The following HTR4 variants were observed in gnomAD, a reference collection of about 807,000 sequenced individuals.
The protein encoded by HTR4 is 5-hydroxytryptamine receptor 4, also known as 5-hydroxytryptamine (serotonin) receptor 4, G protein-coupled.
HTR4 carries 16 observed loss-of-function variants against 36.8 expected under a neutral mutation model. That is an observed-to-expected ratio of 0.43 (90% confidence interval 0.29 to 0.66). The LOEUF is 0.66. HTR4 is among the 30% of genes least tolerant of loss of function. The pLI is 0.13. For synonymous variants in HTR4, 189 were observed against 185.1 expected (o/e 1.02, Z -0.17); for missense variants, 438 against 490.9 (o/e 0.89, Z 1.02).
intron 2 of HTR4, among the ~76,000 whole-genome samples, chr5:148,625,741 C>A (rs1406560724): frequency 6.6e-6 from 1 of 152,008 alleles, no homozygotes; most frequent in Non-Finnish European, 1.5e-5. Context: ...CCATAACACC[C>A]AGCTAATTTT....
intron 2 of HTR4, among the ~76,000 whole-genome samples, chr5:148,551,051 AG>A (rs1453865007): frequency 6.6e-6 from 1 of 152,076 alleles, no homozygotes; most frequent in Non-Finnish European, 1.5e-5. Flanking sequence ...TTTCCTCAAA[AG>A]CCAGGGCCAT....
chr5:148,566,564 T>C (rs1277893872), intron 2 of HTR4, among the ~76,000 whole-genome samples: 2 of 152,102 alleles, frequency 1.3e-5, no homozygotes, highest in Non-Finnish European at 2.9e-5. Context: ...ATGTCTGAGA[T>C]TGAATTTACC....
chr5:148,570,857 A>G (rs1581491225), intron 2 of HTR4, among the ~76,000 whole-genome samples: 2 of 150,832 alleles, frequency 1.3e-5, no homozygotes, highest in South Asian at 2.1e-4. Context: ...TTTTTGTTTT[A>G]TTTTGTTTAG....
intron 1 of HTR4, among the ~76,000 whole-genome samples, chr5:148,643,319 C>G (rs191317581): frequency 6.6e-6 from 1 of 152,170 alleles, no homozygotes; most frequent in Admixed American, 6.5e-5. Flanking sequence ...ACCCAAGCAA[C>G]CTTTTGTTAA....
chr5:148,600,370 G>A (rs1353878561), intron 2 of HTR4, among the ~76,000 whole-genome samples: 1 of 146,624 alleles, frequency 6.8e-6, no homozygotes, highest in African/African-American at 2.5e-5. Flanking sequence ...ACACATGACT[G>A]GGGGCCTAAT....
chr5:148,557,290 T>G (rs778426722), intron 2 of HTR4, among the ~76,000 whole-genome samples: 3 of 151,984 alleles, frequency 2.0e-5, no homozygotes, highest in Non-Finnish European at 4.4e-5. Context: ...GAATAAAGGT[T>G]TTTTGGGGAG....
At chr5:148,458,142 C>T (rs1461181239) in intron 5 of HTR4, among the ~76,000 whole-genome samples, 1 of 135,842 alleles carries the variant, frequency 7.4e-6, no homozygotes, top group African/African-American at 2.7e-5. Flanking sequence ...ATTTTAATAT[C>T]TATTTAATAT....
intron 2 of HTR4, among the ~76,000 whole-genome samples, chr5:148,617,003 AT>A (rs1752717630): frequency 6.6e-6 from 1 of 152,204 alleles, no homozygotes; most frequent in Admixed American, 6.5e-5. Context: ...TAATTACAGA[AT>A]CTTATATCAT....
Position 148,523,325 on chromosome 5 carries a change from C to G in HTR4, c.375G>C (p.Gln125His), listed in dbSNP as rs1179705387. 1.2e-6 allele frequency: 2 copies of G among 1,610,502 alleles called. No individual in the cohort carries two copies. The highest frequency in any genetic ancestry group is 1.7e-6 in the Non-Finnish European group (2 of 1,178,762). The change falls in exon 5 of 7, where the codon CAG (glutamine) becomes CAC (histidine). Residue 125 changes from glutamine to histidine, a missense_variant. Physicochemically the swap from Gln to His is conservative, Grantham distance 24. Transcript: ENST00000377888. ...TCATCTTGTTCCTATAGACCAAAGG[C>G]TGGCAGCAGATGGCGTAATACCTGG... is the stretch of plus-strand genomic sequence containing the variant. Reference protein sequence around the residue: ...SLDRYYAICCQPLVYRNKMTP... With the variant: ...SLDRYYAICCHPLVYRNKMTP...
At chr5:148,630,853 T>C (rs1753297874) in intron 2 of HTR4, among the ~76,000 whole-genome samples, 1 of 152,150 alleles carries the variant, frequency 6.6e-6, no homozygotes, top group Non-Finnish European at 1.5e-5. Context: ...TCAGAGAGAT[T>C]ACATAAATTC....
chr5:148,476,839 A>G, downstream of HTR4: 3 of 1,590,960 alleles, frequency 1.9e-6, no homozygotes, highest in Non-Finnish European at 8.6e-7. Context: ...ATGTTTGGGG[A>G]TTGGAATAGG....
At chr5:148,580,412 A>T (rs909704741) in intron 2 of HTR4, among the ~76,000 whole-genome samples, 1 of 152,048 alleles carries the variant, frequency 6.6e-6, no homozygotes, top group Non-Finnish European at 1.5e-5. Context: ...TTTTACTCTA[A>T]TGAGAGCTAT....
At chr5:148,533,293 T>C (rs935686001) in intron 4 of HTR4, among the ~76,000 whole-genome samples, 10 of 152,224 alleles carry the variant, frequency 6.6e-5, no homozygotes, top group African/African-American at 2.4e-4. Context: ...TTAACTAAAA[T>C]GAAGCAAGGA....
In HTR4 at chr5:148,525,992, C is replaced by T. The variant is rs115533147; in HGVS notation, c.354-2646G>A. 8.3e-3 allele frequency among the ~76,000 whole-genome samples: 1,258 copies of T among 152,220 alleles called. 14 individuals are homozygous for T. Among genetic ancestry groups the T allele is most frequent in the African/African-American group, 0.029 (1,206 of 41,530 alleles). On this transcript the variant is annotated intron_variant, in intron 4 of 6. Transcript: ENST00000377888. ...GAGAAGATGGAAGATTGGAGTGATG[C>T]GTCCATAAGCCAAGGAACACTTAAA...
chr5:148,631,043 A>G (rs1188938276), intron 2 of HTR4, among the ~76,000 whole-genome samples: 4 of 152,182 alleles, frequency 2.6e-5, no homozygotes, highest in Non-Finnish European at 5.9e-5. Flanking sequence ...TTCCATAACC[A>G]GAAAATTTCA....
At chr5:148,490,845 C>T in intron 6 of HTR4, 2 of 529,888 alleles carry the variant, frequency 3.8e-6, no homozygotes, top group Non-Finnish European at 6.8e-6. Context: ...CCTCTAACAG[C>T]CCTTTAAATA....
chr5:148,456,085 T>C (rs1345760564), intron 5 of HTR4, among the ~76,000 whole-genome samples: 1 of 152,082 alleles, frequency 6.6e-6, no homozygotes. Context: ...TGGTGACTGA[T>C]AGACACAGGA....
intron 6 of HTR4, among the ~76,000 whole-genome samples, chr5:148,483,878 A>T (rs895139414): frequency 1.3e-5 from 2 of 152,062 alleles, no homozygotes; most frequent in Non-Finnish European, 1.5e-5. Context: ...ATCGTTTTTG[A>T]TACAACAACT....
At chr5:148,581,790 T>C (rs1761146367) in intron 2 of HTR4, among the ~76,000 whole-genome samples, 1 of 152,120 alleles carries the variant, frequency 6.6e-6, no homozygotes, top group African/African-American at 2.4e-5. Flanking sequence ...AGCTTTGTTC[T>C]TACTATTCAA....
Sources: allele counts gnomAD v4.1 joint callset (sites outside exome capture counted in the v4.1 genomes callset), GRCh38; gene constraint gnomAD v4.1.1; transcripts MANE v1.5; gene names NCBI Gene and HGNC (gene_info 2026-07-23, HGNC 2026-07-21).